RANBP2: variants seen among roughly 807,000 people sequenced by gnomAD.
RANBP2 encodes the protein RAN binding protein 2.
In RANBP2, 57 loss-of-function variants were observed where a neutral mutation model predicts 303.6. The ratio of observed to expected loss-of-function variants is 0.19; its 90% CI spans 0.15 to 0.23. RANBP2 has a LOEUF of 0.23. Ranked by LOEUF, RANBP2 falls within the 10% of genes least tolerant of loss-of-function variation. The pLI is 1.00. For synonymous variants in RANBP2, 1,167 were observed against 1,301.5 expected, an observed-to-expected ratio of 0.90 and a Z score of 2.23; for missense variants, 3,138 against 3,780.8, an observed-to-expected ratio of 0.83 and a Z score of 4.46.
At chr2:108,740,062 C>T (rs1035411741) in intron 6 of RANBP2, among the ~76,000 whole-genome samples, 16 of 151,660 alleles carry the variant, frequency 1.1e-4, no homozygotes, top group African/African-American at 3.1e-4. Context: ...TGTATTGATA[C>T]GCAAATACCT....
chr2:109,167,437 G>A, the RANBP2 span, among the ~76,000 whole-genome samples: 1 of 152,174 alleles, frequency 6.6e-6, no homozygotes, highest in African/African-American at 2.4e-5. Context: ...GGCAAGGGGT[G>A]ATGATTGGTA....
the RANBP2 span, among the ~76,000 whole-genome samples, chr2:109,673,826 A>C: frequency 1.3e-5 from 2 of 152,194 alleles, no homozygotes; most frequent in Admixed American, 6.5e-5. Flanking sequence ...TGTTATCAAC[A>C]ATGTATGAGA....
chr2:109,298,789 C>G, the RANBP2 span, among the ~76,000 whole-genome samples: 1 of 152,300 alleles, frequency 6.6e-6, no homozygotes, highest in Admixed American at 6.5e-5. Flanking sequence ...CCCTCTGTGT[C>G]TCTCCCCAGG....
At chr2:109,445,674 A>G in the RANBP2 span, among the ~76,000 whole-genome samples, 1 of 152,040 alleles carries the variant, frequency 6.6e-6, no homozygotes, top group African/African-American at 2.4e-5. Flanking sequence ...CAGAGAAGGT[A>G]TCAAGGATGT....
At chr2:109,206,919 G>C in the RANBP2 span, among the ~76,000 whole-genome samples, 2 of 152,210 alleles carry the variant, frequency 1.3e-5, no homozygotes, top group Admixed American at 6.5e-5. Flanking sequence ...CTTGTGTTTG[G>C]GATAGCATGT....
At chr2:109,569,219 G>A in the RANBP2 span, among the ~76,000 whole-genome samples, 1 of 151,880 alleles carries the variant, frequency 6.6e-6, no homozygotes, top group Non-Finnish European at 1.5e-5. Context: ...ACCTGAGGTC[G>A]GGAGTTCGAG....
the RANBP2 span, among the ~76,000 whole-genome samples, chr2:109,580,872 C>T: frequency 2.6e-5 from 4 of 152,300 alleles, no homozygotes; most frequent in East Asian, 5.8e-4. Context: ...AAAGACAGCA[C>T]AGCGCCTGGC....
the RANBP2 span, among the ~76,000 whole-genome samples, chr2:108,913,617 T>C: frequency 6.6e-6 from 1 of 152,078 alleles, no homozygotes; most frequent in African/African-American, 2.4e-5. Context: ...TCTTGATTTA[T>C]ACATATAAAT....
At position 108,763,507 on chromosome 2, in the gene RANBP2, G is replaced by C; in HGVS notation, c.2968G>C (p.Ala990Pro). ...YFTKPPIAAHASRSAESKTIE... is the reference protein window; with the variant it reads ...YFTKPPIAAHPSRSAESKTIE... ...CACAAAACCTCCGATTGCAGCTCAT[G>C]CTTCAAGATCTGCAGAATCTAAGAC... Residue 990 changes from alanine to proline, a missense_variant, in exon 20 of 29, where the codon GCT (alanine) becomes CCT (proline). Around this residue, in one of 20 missense-constraint regions of RANBP2, gnomAD observed 403 missense variants for 376.7 expected, o/e 1.07. Transcript: ENST00000283195. 2 of 1,614,108 alleles carry C rather than the reference G, an allele frequency of 1.2e-6. No individual in the cohort carries two copies. The highest frequency in any genetic ancestry group is 1.7e-6 in the Non-Finnish European group (2 of 1,180,002).
chr2:109,221,537 G>C, the RANBP2 span, among the ~76,000 whole-genome samples: 4 of 148,628 alleles, frequency 2.7e-5, no homozygotes, highest in Admixed American at 2.7e-4. Context: ...AGCCGCGATC[G>C]CGCCAGTGCA....
At chr2:108,822,450 G>A in the RANBP2 span, among the ~76,000 whole-genome samples, 3 of 152,106 alleles carry the variant, frequency 2.0e-5, no homozygotes, top group African/African-American at 7.2e-5. Context: ...AAATTAACTC[G>A]ATCTGTCAGA....
chr2:109,202,805 G>A, the RANBP2 span, among the ~76,000 whole-genome samples: 1 of 152,218 alleles, frequency 6.6e-6, no homozygotes, highest in African/African-American at 2.4e-5. Flanking sequence ...AGCAAAGGGG[G>A]TCGAGAGCCC....
At chr2:108,741,931 A>AT (rs141565124) in intron 7 of RANBP2, among the ~76,000 whole-genome samples, 3,174 of 150,738 alleles carry the variant, frequency 0.021, 107 homozygotes, top group African/African-American at 0.074. Flanking sequence ...TTAGAGAAGG[A>AT]TTTTTTGCTT....
the RANBP2 span, among the ~76,000 whole-genome samples, chr2:109,316,006 C>T: frequency 6.6e-6 from 1 of 152,310 alleles, no homozygotes; most frequent in East Asian, 1.9e-4. Flanking sequence ...TATGTGCATG[C>T]ATCAGGGGCT....
chr2:109,289,866 C>T, the RANBP2 span, among the ~76,000 whole-genome samples: 1 of 152,072 alleles, frequency 6.6e-6, no homozygotes, highest in Non-Finnish European at 1.5e-5. Context: ...TATTGTGTAT[C>T]GCATTGCGGG....
At chr2:109,417,141 C>G in the RANBP2 span, among the ~76,000 whole-genome samples, 1 of 152,174 alleles carries the variant, frequency 6.6e-6, no homozygotes, top group South Asian at 2.1e-4. Context: ...TCAGTGGCCA[C>G]AAGGAGACCT....
At chr2:108,990,583 G>A in the RANBP2 span, among the ~76,000 whole-genome samples, 2 of 152,100 alleles carry the variant, frequency 1.3e-5, no homozygotes, top group South Asian at 4.1e-4. Flanking sequence ...GCAACAGAGC[G>A]AGAATCTGTC....
chr2:108,929,319 ACTT>A, the RANBP2 span: 9 of 1,613,660 alleles, frequency 5.6e-6, no homozygotes, highest in Non-Finnish European at 7.6e-6. Context: ...CCTTTGGAAA[ACTT>A]CTCCGCCGGG....
At chr2:109,671,117 T>C in the RANBP2 span, among the ~76,000 whole-genome samples, 3 of 152,198 alleles carry the variant, frequency 2.0e-5, no homozygotes, top group African/African-American at 7.2e-5. Flanking sequence ...CAACCTGGTC[T>C]AGGTTTTTCT....
Sources: gnomAD v4.1 joint callset for allele counts (sites outside exome capture counted in the v4.1 genomes callset) on GRCh38, gnomAD v4.1.1 for gene constraint, gnomAD v4.1.1 regional missense constraint, MANE v1.5 for transcripts, NCBI Gene and HGNC (gene_info 2026-07-23, HGNC 2026-07-21) for gene names.